CSMD3: variants seen among roughly 807,000 people sequenced by gnomAD.
CSMD3 encodes CUB and Sushi multiple domains 3, also known as CUB and sushi domain-containing protein 3.
A neutral mutation model predicts 435.2 loss-of-function variants in CSMD3; 177 were observed. The ratio of observed to expected loss-of-function variants is 0.41; its 90% confidence interval spans 0.36 to 0.46. CSMD3 has a LOEUF of 0.46. Ranked by LOEUF, CSMD3 falls within the 20% of genes least tolerant of loss-of-function variation. CSMD3 has a pLI of 0.34. For synonymous variants in CSMD3, 1,656 were observed against 1,520.5 expected (o/e 1.09, Z -2.07); for missense variants, 4,265 against 4,504.6 (o/e 0.95, Z 1.52).
chr8:112,334,750 C>T (rs1824403506), intron 45 of CSMD3, among the ~76,000 whole-genome samples: 1 of 152,002 alleles, frequency 6.6e-6, no homozygotes, highest in Non-Finnish European at 1.5e-5. Context: ...AATACAGAGC[C>T]CAGAACAAAG....
intron 4 of CSMD3, among the ~76,000 whole-genome samples, chr8:113,133,183 C>T (rs1310684123): frequency 6.6e-6 from 1 of 151,938 alleles, no homozygotes; most frequent in Non-Finnish European, 1.5e-5. Context: ...AAATTGATAA[C>T]AAGAGTTTTT....
intron 5 of CSMD3, among the ~76,000 whole-genome samples, chr8:113,059,458 T>C (rs1587986488): frequency 1.3e-5 from 2 of 152,188 alleles, no homozygotes; most frequent in Admixed American, 6.6e-5. Flanking sequence ...ATCTTTTATA[T>C]TGTTCTGCAT....
At chr8:113,337,799 A>T (rs577129233) in intron 1 of CSMD3, among the ~76,000 whole-genome samples, 1 of 152,062 alleles carries the variant, frequency 6.6e-6, no homozygotes, top group South Asian at 2.1e-4. Flanking sequence ...AGTTAACAAC[A>T]ATGTATTATA....
chr8:113,327,226 A>G (rs987225556), intron 1 of CSMD3, among the ~76,000 whole-genome samples: 3 of 152,188 alleles, frequency 2.0e-5, no homozygotes, highest in Non-Finnish European at 2.9e-5. Context: ...TCATTTTATG[A>G]GAATATATGC....
chr8:112,922,193 T>C (rs1046630427), intron 9 of CSMD3, among the ~76,000 whole-genome samples: 1 of 152,088 alleles, frequency 6.6e-6, no homozygotes, highest in African/African-American at 2.4e-5. Context: ...ATTGTACTGA[T>C]TGATTTTCAT....
intron 22 of CSMD3, among the ~76,000 whole-genome samples, chr8:112,608,318 T>A (rs1024280771): frequency 4.6e-5 from 7 of 152,024 alleles, no homozygotes; most frequent in African/African-American, 1.4e-4. Flanking sequence ...AAAATTAACA[T>A]CCTGTGTTCA....
chr8:113,111,866 G>C (rs1383949366), intron 4 of CSMD3, among the ~76,000 whole-genome samples: 2 of 151,878 alleles, frequency 1.3e-5, no homozygotes, highest in Admixed American at 6.6e-5. Flanking sequence ...TTTTAGTATA[G>C]ACAGGGTTTC....
At chr8:113,208,184 C>A (rs778702693) in intron 3 of CSMD3, among the ~76,000 whole-genome samples, 12 of 152,082 alleles carry the variant, frequency 7.9e-5, no homozygotes, top group African/African-American at 1.2e-4. Flanking sequence ...TTTCTTACAG[C>A]ATATTAAGTC....
At chr8:112,432,540 T>C (rs1813833480) in intron 32 of CSMD3, among the ~76,000 whole-genome samples, 1 of 152,056 alleles carries the variant, frequency 6.6e-6, no homozygotes, top group Admixed American at 6.6e-5. Context: ...CTCAAACTCC[T>C]GGGCTCAAGT....
At chr8:112,796,842 G>A (rs1312872036) in intron 13 of CSMD3, among the ~76,000 whole-genome samples, 1 of 151,912 alleles carries the variant, frequency 6.6e-6, no homozygotes, top group East Asian at 1.9e-4. Context: ...ACATCTACAA[G>A]GATGTTACTG....
At chr8:112,864,519 G>A (rs995029025) in intron 10 of CSMD3, among the ~76,000 whole-genome samples, 2 of 152,078 alleles carry the variant, frequency 1.3e-5, no homozygotes, top group African/African-American at 2.4e-5. Flanking sequence ...CGGAAATGCT[G>A]GGATTACAGG....
At chr8:112,228,061 C>A (rs1182474657) in intron 70 of CSMD3, among the ~76,000 whole-genome samples, 2 of 151,804 alleles carry the variant, frequency 1.3e-5, no homozygotes, top group African/African-American at 2.4e-5. Context: ...ATATATATAT[C>A]AATTTTGGAG....
At chr8:113,292,537 T>A (rs1229703938) in intron 2 of CSMD3, among the ~76,000 whole-genome samples, 1 of 151,942 alleles carries the variant, frequency 6.6e-6, no homozygotes, top group Admixed American at 6.6e-5. Context: ...TGCAGAAGCA[T>A]TATCAATTAT....
chr8:112,697,380 T>C (rs1586996638), intron 13 of CSMD3, among the ~76,000 whole-genome samples: 1 of 152,160 alleles, frequency 6.6e-6, no homozygotes, highest in South Asian at 2.1e-4. Context: ...ATATACACCA[T>C]GGAATACTAT....
chr8:113,169,002 T>C (rs1237269760), intron 4 of CSMD3, among the ~76,000 whole-genome samples: 1 of 152,166 alleles, frequency 6.6e-6, no homozygotes, highest in Non-Finnish European at 1.5e-5. Flanking sequence ...TTTTGGTATA[T>C]AAAATTTAAA....
At chr8:112,633,069 G>T (rs973039340) in intron 22 of CSMD3, among the ~76,000 whole-genome samples, 8 of 151,864 alleles carry the variant, frequency 5.3e-5, no homozygotes, top group African/African-American at 1.7e-4. Context: ...ACTAGTAAAC[G>T]AGATTTTGTG....
chr8:113,185,359 C>A (rs1284966809), intron 3 of CSMD3, among the ~76,000 whole-genome samples: 1 of 151,974 alleles, frequency 6.6e-6, no homozygotes, highest in African/African-American at 2.4e-5. Context: ...GAAGCATAAT[C>A]GTATAATCAT....
At chr8:112,257,906 C>A (rs1815960277) in intron 61 of CSMD3, among the ~76,000 whole-genome samples, 1 of 152,138 alleles carries the variant, frequency 6.6e-6, no homozygotes, top group South Asian at 2.1e-4. Flanking sequence ...GTAACCAAAA[C>A]AGCATGTTAC....
At chr8:113,018,958 C>T (rs552218321) in intron 6 of CSMD3, 109 bp downstream of exon 6, 7 of 784,324 alleles carry the variant, frequency 8.9e-6, no homozygotes, top group South Asian at 7.1e-5. Context: ...TTTTTCAATA[C>T]AAATTCCAAT....
Sources: gnomAD v4.1 joint callset for allele counts (sites outside exome capture counted in the v4.1 genomes callset) on GRCh38, gnomAD v4.1.1 for gene constraint, MANE v1.5 for transcripts, NCBI Gene and HGNC (gene_info 2026-07-23, HGNC 2026-07-21) for gene names.